Variants in SLC30A7 observed in about 807,000 individuals in gnomAD.
The protein encoded by SLC30A7 is solute carrier family 30 member 7, also known as zinc transporter 7.
In SLC30A7, 35 loss-of-function variants were observed where a neutral mutation model predicts 46.0. The observed-to-expected ratio is 0.76, with a 90% confidence interval of 0.58 to 1.01. SLC30A7 has a LOEUF of 1.01. Ranked by LOEUF, SLC30A7 falls within the 50% of genes least tolerant of loss-of-function variation. The pLI is 0.00. For missense variants in SLC30A7, 464 were observed against 451.1 expected (o/e 1.03, Z -0.26); for synonymous variants, 147 against 157.8 (o/e 0.93, Z 0.51).
intron 10 of SLC30A7, among the ~76,000 whole-genome samples, chr1:100,969,701 T>G (rs1488836965): frequency 6.6e-6 from 1 of 152,206 alleles, no homozygotes; most frequent in African/African-American, 2.4e-5. Context: ...TCACCTAAGG[T>G]CAAGTCTACT....
rs1452530402 is a variant in SLC30A7 at position 100,980,613 on chromosome 1, G to T, written c.*5756G>T. 2 of 151,528 alleles carry T rather than the reference G, an allele frequency of 1.3e-5. No individual in the cohort carries two copies. The highest frequency in any genetic ancestry group is 2.9e-5 in the Non-Finnish European group (2 of 67,842). 9.4% of individuals were successfully genotyped at this position (151,528 alleles called of 1,614,324 possible). On this transcript the variant is annotated 3_prime_UTR_variant, in exon 11 of 11. Coordinates refer to ENST00000357650, the MANE Select transcript of SLC30A7 (RefSeq NM_133496.5). ...ACTGTTTTTTACAGAAGACATCTCA[G>T]CATTTCTTTGGCATTTTTGCACAAA...
chr1:100,910,909 A>G (rs1450329114), intron 3 of SLC30A7, among the ~76,000 whole-genome samples, 154 bp from the exon 4 acceptor site: 1 of 152,220 alleles, frequency 6.6e-6, no homozygotes, highest in Admixed American at 6.5e-5. Flanking sequence ...TCTACTATAT[A>G]TAAAATAAAA....
At position 100,897,069 on chromosome 1, in the gene SLC30A7, G is replaced by A. The variant is rs574518032; in HGVS notation, c.182+398G>A. On this transcript the variant is annotated intron_variant, in intron 2 of 10. Transcript: ENST00000357650. ...GGATTTCACCCTTAAGATTCTGAGAGAGTATATCTGAGATGTTCTACTTAG... is the reference window on the plus strand; with the variant it reads ...GGATTTCACCCTTAAGATTCTGAGAAAGTATATCTGAGATGTTCTACTTAG... Among the ~76,000 whole-genome samples, 4 of 152,174 alleles carry A rather than the reference G, an allele frequency of 2.6e-5. 1 individual carries two copies. The South Asian group carries it at 8.3e-4, about 32-fold the overall frequency.
In SLC30A7 at chr1:100,977,397, T is replaced by G. The variant is rs1265976126; in HGVS notation, c.*2540T>G. On this transcript the variant is annotated 3_prime_UTR_variant, in exon 11 of 11. Transcript: ENST00000357650. The stretch of plus-strand genomic sequence containing the variant: ...CATTTATGCTTTAATTAAATGCCAG[T>G]ATACCTATGTGTGCAGCAGTAAAAA... 6.6e-6 allele frequency: 1 copy of G among 152,220 alleles called. No individual in the cohort carries two copies. The highest frequency in any genetic ancestry group is 1.5e-5 in the Non-Finnish European group (1 of 68,038). The allele number at this position is 152,220 out of a possible 1,614,324, so 9.4% of individuals were successfully genotyped here.
At chr1:100,972,465 C>T (rs1194651255) in intron 10 of SLC30A7, 2 of 156,640 alleles carry the variant, frequency 1.3e-5, no homozygotes, top group Non-Finnish European at 2.9e-5. Flanking sequence ...AGAAAATTTA[C>T]CTAGCCTCTT....
intron 9 of SLC30A7, among the ~76,000 whole-genome samples, chr1:100,964,578 A>G (rs1655767430): frequency 6.6e-6 from 1 of 152,008 alleles, no homozygotes; most frequent in African/African-American, 2.4e-5. Context: ...TTTCTACTGT[A>G]TCACACTGCC....
intron 8 of SLC30A7, chr1:100,941,049 A>G (rs1423512543): frequency 9.0e-6 from 3 of 332,790 alleles, no homozygotes; most frequent in East Asian, 7.8e-5. Context: ...TTCTGCAGCT[A>G]TTGGAACTGC....
At chr1:100,897,619 G>A (rs951774828) in intron 2 of SLC30A7, among the ~76,000 whole-genome samples, 1 of 152,084 alleles carries the variant, frequency 6.6e-6, no homozygotes, top group Non-Finnish European at 1.5e-5. Context: ...AGAGAAAATC[G>A]CTGTCCTTGA....
rs868844721 is a variant in SLC30A7 at position 100,923,113 on chromosome 1, T to C, written c.842+1272T>C. ...TCACTGCAGGCTCCGCCCCCTGGGG[T>C]TCACGCCATTCTCCTGCCTCAGCCT... is the stretch of plus-strand genomic sequence containing the variant. On this transcript the variant is annotated intron_variant, in intron 8 of 10. Transcript: ENST00000357650. 9.5e-3 allele frequency among the ~76,000 whole-genome samples: 1,272 copies of C among 133,486 alleles called. 145 individuals are homozygous for C. The highest frequency in any genetic ancestry group is 0.03 in the African/African-American group (1,022 of 34,584). The allele number at this position is 133,486 out of a possible 152,430, so 87.6% of individuals were successfully genotyped here.
At chr1:100,963,613 A>G (rs1292570082) in intron 9 of SLC30A7, among the ~76,000 whole-genome samples, 1 of 152,104 alleles carries the variant, frequency 6.6e-6, no homozygotes, top group Admixed American at 6.5e-5. Flanking sequence ...TTTTGTTTTT[A>G]AAGTAGGATG....
At chr1:100,968,238 A>C (rs1266892011) in intron 10 of SLC30A7, among the ~76,000 whole-genome samples, 5 of 152,140 alleles carry the variant, frequency 3.3e-5, no homozygotes, top group African/African-American at 1.2e-4. Context: ...AGGCAGGCAG[A>C]TCACCTGAGG....
At chr1:100,939,552 G>T (rs1654210804) in intron 8 of SLC30A7, among the ~76,000 whole-genome samples, 1 of 151,854 alleles carries the variant, frequency 6.6e-6, no homozygotes, top group South Asian at 2.1e-4. Context: ...TGAAGAATCA[G>T]CTGGCCGGGC....
chr1:100,942,951 A>G (rs554219206), intron 8 of SLC30A7, among the ~76,000 whole-genome samples: 1 of 152,348 alleles, frequency 6.6e-6, no homozygotes, highest in Admixed American at 6.5e-5. Context: ...CTAATCAGAG[A>G]AACAGTGGTT....
the SLC30A7 span, among the ~76,000 whole-genome samples, chr1:100,991,849 C>T: frequency 6.7e-6 from 1 of 150,060 alleles, no homozygotes; most frequent in Admixed American, 6.6e-5. Flanking sequence ...GTAATCCCAA[C>T]ACTTTGGGAG....
At chr1:100,915,446 C>T (rs1652481299) in intron 6 of SLC30A7, among the ~76,000 whole-genome samples, 1 of 152,208 alleles carries the variant, frequency 6.6e-6, no homozygotes, top group African/African-American at 2.4e-5. Context: ...CCAACTTCCT[C>T]CAACCACTGG....
chr1:100,944,759 A>G (rs1043320630), intron 8 of SLC30A7, among the ~76,000 whole-genome samples: 6 of 151,266 alleles, frequency 4.0e-5, no homozygotes, highest in African/African-American at 9.7e-5. Context: ...TAGTGCCACA[A>G]TAAACATACG....
rs115557037 is a variant in SLC30A7 at position 100,925,924 on chromosome 1, C to A, written c.842+4083C>A. Among the ~76,000 whole-genome samples the A allele has an allele frequency of 5.4e-3, 829 of 152,266 alleles. 13 individuals carry two copies. The highest frequency in any genetic ancestry group is 0.019 in the African/African-American group (798 of 41,544). On this transcript the variant is annotated intron_variant, in intron 8 of 10. Coordinates refer to ENST00000357650, the MANE Select transcript of SLC30A7 (RefSeq NM_133496.5). ...TTGGTATTCATCTGGCATTGGAATT[C>A]ATCTAGCATGAATGCCACAATTCCC...
intron 8 of SLC30A7, chr1:100,941,397 T>C: frequency 5.0e-6 from 2 of 400,286 alleles, no homozygotes; most frequent in South Asian, 2.1e-5. Flanking sequence ...CCTTTTCGGC[T>C]AGATGAAGCA....
chr1:100,933,789 A>G (rs1046945763), intron 8 of SLC30A7, among the ~76,000 whole-genome samples: 4 of 152,102 alleles, frequency 2.6e-5, no homozygotes, highest in Admixed American at 2.0e-4. Context: ...GTGTATATGT[A>G]CCACATTTTC....
Sources: gnomAD v4.1 joint callset for allele counts (sites outside exome capture counted in the v4.1 genomes callset) on GRCh38, gnomAD v4.1.1 for gene constraint, MANE v1.5 for transcripts, NCBI Gene and HGNC (gene_info 2026-07-23, HGNC 2026-07-21) for gene names.